SUPT3H: variants seen among roughly 807,000 people sequenced by gnomAD.
SUPT3H encodes transcription initiation protein SPT3 homolog.
A neutral mutation model predicts 44.3 loss-of-function variants in SUPT3H; 44 were observed. The ratio of observed to expected loss-of-function variants is 0.99; its 90% CI spans 0.78 to 1.28. The LOEUF (loss-of-function observed/expected upper bound fraction) is 1.28, where lower values mean the gene tolerates loss of function less well. Ranked by LOEUF, SUPT3H falls within the 50% of genes most tolerant of loss-of-function variation. The pLI is 0.00. For synonymous variants in SUPT3H, 124 were observed against 125.6 expected (o/e 0.99, Z 0.09); for missense variants, 380 against 387.1 (o/e 0.98, Z 0.15).
At chr6:45,041,185 G>T (rs182821331) in intron 3 of SUPT3H, among the ~76,000 whole-genome samples, 1 of 151,850 alleles carries the variant, frequency 6.6e-6, no homozygotes, top group Non-Finnish European at 1.5e-5. Flanking sequence ...ATAAATAAAT[G>T]AAATATTTAC....
At chr6:44,923,460 G>C (rs761052535) in intron 10 of SUPT3H, among the ~76,000 whole-genome samples, 38 of 152,034 alleles carry the variant, frequency 2.5e-4, no homozygotes, top group Admixed American at 1.6e-3. Flanking sequence ...TTGTTCTGTT[G>C]ATTAGTAAGT....
intron 6 of SUPT3H, among the ~76,000 whole-genome samples, chr6:44,979,077 A>T (rs1359224127): frequency 6.6e-6 from 1 of 152,154 alleles, no homozygotes. Context: ...TAATACTCCT[A>T]TTGTACCACA....
intron 10 of SUPT3H, among the ~76,000 whole-genome samples, chr6:44,865,945 G>A (rs1775431173): frequency 6.6e-6 from 1 of 152,174 alleles, no homozygotes; most frequent in African/African-American, 2.4e-5. Context: ...GAAGCAGAAA[G>A]CCAAGTGGGA....
chr6:44,995,454 C>A (rs1781148855), intron 6 of SUPT3H, among the ~76,000 whole-genome samples: 1 of 152,174 alleles, frequency 6.6e-6, no homozygotes, highest in Middle Eastern at 3.4e-3. Context: ...CAACTGCTTA[C>A]TTAGCAAATC....
At chr6:45,274,430 C>T (rs1360571561) in intron 2 of SUPT3H, among the ~76,000 whole-genome samples, 1 of 152,192 alleles carries the variant, frequency 6.6e-6, no homozygotes, top group African/African-American at 2.4e-5. Context: ...TATTTCTAAA[C>T]ATTTTATAGT....
chr6:44,917,120 T>A (rs514713), intron 10 of SUPT3H, among the ~76,000 whole-genome samples: 2,115 of 151,984 alleles, frequency 0.014, 58 homozygotes, highest in African/African-American at 0.049. Flanking sequence ...CACCACTGCA[T>A]TCCAGCCTGG....
At chr6:44,862,674 T>C (rs1197872094) in intron 10 of SUPT3H, among the ~76,000 whole-genome samples, 2 of 23,056 alleles carry the variant, frequency 8.7e-5, no homozygotes, top group Admixed American at 5.4e-4. Flanking sequence ...TGAAACTCTG[T>C]ATCAAAAAAA....
chr6:44,960,017 TATAA>T (rs1367954434), intron 7 of SUPT3H, among the ~76,000 whole-genome samples: 1 of 152,166 alleles, frequency 6.6e-6, no homozygotes, highest in African/African-American at 2.4e-5. Flanking sequence ...GGGCACCATA[TATAA>T]ATAGTTTTAA....
At chr6:45,088,003 G>T (rs911451244) in intron 3 of SUPT3H, among the ~76,000 whole-genome samples, 1 of 152,006 alleles carries the variant, frequency 6.6e-6, no homozygotes, top group Non-Finnish European at 1.5e-5. Context: ...TTATTTCAAT[G>T]ATAGTTAAGT....
At chr6:45,234,986 A>G (rs1272507349) in intron 2 of SUPT3H, among the ~76,000 whole-genome samples, 1 of 152,194 alleles carries the variant, frequency 6.6e-6, no homozygotes, top group African/African-American at 2.4e-5. Flanking sequence ...TAACCTGTCT[A>G]ACATGAAAAT....
intron 2 of SUPT3H, among the ~76,000 whole-genome samples, chr6:45,195,150 G>C (rs938663602): frequency 6.6e-6 from 1 of 152,146 alleles, no homozygotes; most frequent in Non-Finnish European, 1.5e-5. Context: ...GACGTGAAAT[G>C]AGGCTAGCTT....
chr6:44,852,585 A>C (rs1773069267), intron 10 of SUPT3H, among the ~76,000 whole-genome samples: 1 of 152,198 alleles, frequency 6.6e-6, no homozygotes, highest in African/African-American at 2.4e-5. Flanking sequence ...CCCACAAGAG[A>C]AATAGTATTC....
rs73735371 is a variant in SUPT3H at position 45,324,758 on chromosome 6, G to A, written c.101+40443C>T. 3.9e-3 allele frequency among the ~76,000 whole-genome samples: 593 copies of A among 152,030 alleles called. 7 individuals carry two copies. Among genetic ancestry groups the A allele is most frequent in the African/African-American group, 0.014 (565 of 41,526 alleles). On this transcript the variant is annotated intron_variant, in intron 2 of 10. Coordinates refer to ENST00000371459, the MANE Select transcript of SUPT3H (RefSeq NM_003599.4). Reference sequence around the variant, plus strand: ...AAGTTGTTCAAACAATCAGGGAAATGGTGCTAGTTTGGGTTTTTACCTGAT... The same window carrying A: ...AAGTTGTTCAAACAATCAGGGAAATAGTGCTAGTTTGGGTTTTTACCTGAT...
Position 45,095,741 on chromosome 6 carries a change from G to A in SUPT3H, c.186+10181C>T, listed in dbSNP as rs185560455. On this transcript the variant is annotated intron_variant, in intron 3 of 10. Coordinates refer to ENST00000371459, the MANE Select transcript of SUPT3H (RefSeq NM_003599.4). The surrounding 1 kb of genome is among the most constrained non-coding windows in gnomAD (Gnocchi z 4.1). The stretch of plus-strand genomic sequence containing the variant: ...AATGAAAGCAGCTATATAGCCATCT[G>A]AAATCATTACTTTTTGAACTTGAAA... 6.6e-6 allele frequency among the ~76,000 whole-genome samples: 1 copy of A among 152,240 alleles called. No homozygotes were observed.
chr6:44,838,418 G>C (rs529023544), intron 10 of SUPT3H, among the ~76,000 whole-genome samples: 39 of 152,172 alleles, frequency 2.6e-4, no homozygotes, highest in African/African-American at 9.4e-4. Flanking sequence ...GTAATGGGCT[G>C]TGTAAGAGGG....
At chr6:44,929,785 T>C (rs371055959) in intron 10 of SUPT3H, among the ~76,000 whole-genome samples, 1 of 146,556 alleles carries the variant, frequency 6.8e-6, no homozygotes, top group Non-Finnish European at 1.5e-5. Flanking sequence ...TTTTTTTTTT[T>C]AGCAGCTTGA....
At chr6:45,148,673 C>T (rs1027823557) in intron 2 of SUPT3H, among the ~76,000 whole-genome samples, 4 of 152,154 alleles carry the variant, frequency 2.6e-5, no homozygotes, top group African/African-American at 9.6e-5. Context: ...TCACAACTCA[C>T]AAGCTACAAC....
chr6:45,304,886 C>T lies in SUPT3H; in HGVS notation c.101+60315G>A, dbSNP rs537784909. On this transcript the variant is annotated intron_variant, in intron 2 of 10. Transcript: ENST00000371459. ...AAAACCCACTTGAGCACTAAAAGAA[C>T]ACAAATAGAAGAAATCAACAGCCTG... Among the ~76,000 whole-genome samples, 31 of 152,126 alleles carry T rather than the reference C, an allele frequency of 2.0e-4. 1 individual carries two copies. In the South Asian group the frequency reaches 6.2e-3, roughly 31 times the overall value.
chr6:45,351,245 T>C (rs1347116261), intron 2 of SUPT3H, among the ~76,000 whole-genome samples: 1 of 151,838 alleles, frequency 6.6e-6, no homozygotes, highest in Non-Finnish European at 1.5e-5. Context: ...AGTATACAAC[T>C]CACTCATCAC....
Sources: allele counts gnomAD v4.1 joint callset (sites outside exome capture counted in the v4.1 genomes callset), GRCh38; gene constraint gnomAD v4.1.1; non-coding constraint Gnocchi (gnomAD v3.1); transcripts MANE v1.5; gene names NCBI Gene and HGNC (gene_info 2026-07-23, HGNC 2026-07-21).